Variants in PKIA observed in about 807,000 individuals in gnomAD.
The protein encoded by PKIA is PKI-alpha.
A neutral mutation model predicts 7.6 loss-of-function variants in PKIA; 4 were observed. That is an observed-to-expected ratio of 0.52 (90% CI 0.26 to 1.20). PKIA has a LOEUF of 1.20. PKIA is among the 50% of genes most tolerant of loss of function. The pLI, the probability that PKIA is intolerant of heterozygous loss-of-function variation, is 0.13. For synonymous variants in PKIA, 21 were observed against 30.7 expected (o/e 0.68, Z 1.04); for missense variants, 73 against 86.2 (o/e 0.85, Z 0.61).
chr8:78,558,928 T>C (rs7818489), intron 1 of PKIA, among the ~76,000 whole-genome samples: 24,614 of 152,126 alleles, frequency 0.16, 2,732 homozygotes, highest in African/African-American at 0.32. Context: ...TGTTTGTTTG[T>C]TTGTTTGTTT....
chr8:78,579,273 C>T (rs1807750411), intron 2 of PKIA, among the ~76,000 whole-genome samples: 1 of 151,970 alleles, frequency 6.6e-6, no homozygotes, highest in Non-Finnish European at 1.5e-5. Flanking sequence ...AGTACAATAG[C>T]CAGAATAATC....
intron 1 of PKIA, among the ~76,000 whole-genome samples, chr8:78,539,836 C>T (rs181430134): frequency 3.9e-5 from 6 of 151,906 alleles, no homozygotes; most frequent in East Asian, 1.9e-4. Context: ...TGATCCTCTA[C>T]GAATTTAATT....
At chr8:78,591,226 G>A (rs1002583593) in intron 2 of PKIA, 6 of 152,582 alleles carry the variant, frequency 3.9e-5, no homozygotes, top group Admixed American at 3.3e-4. Context: ...CAACATCATA[G>A]GCCCAACTTC....
At chr8:78,548,848 A>C (rs1806905897) in intron 1 of PKIA, among the ~76,000 whole-genome samples, 1 of 152,106 alleles carries the variant, frequency 6.6e-6, no homozygotes, top group East Asian at 1.9e-4. Flanking sequence ...ATATATGATG[A>C]AATAAAAGAT....
chr8:78,556,061 CCTTTT>C (rs945722216), intron 1 of PKIA, among the ~76,000 whole-genome samples: 10 of 152,122 alleles, frequency 6.6e-5, no homozygotes, highest in Non-Finnish European at 8.8e-5. Flanking sequence ...TTTGTCCTTT[CCTTTT>C]ATGTTTAGCA....
chr8:78,541,487 C>T (rs978870364), intron 1 of PKIA, among the ~76,000 whole-genome samples: 1 of 152,126 alleles, frequency 6.6e-6, no homozygotes, highest in African/African-American at 2.4e-5. Context: ...AGCAATAGCA[C>T]ATCCTTATTA....
At chr8:78,590,501 T>C (rs1808068980) in intron 2 of PKIA, among the ~76,000 whole-genome samples, 1 of 152,112 alleles carries the variant, frequency 6.6e-6, no homozygotes, top group African/African-American at 2.4e-5. Flanking sequence ...AGCCAGATTC[T>C]CTTATGTACT....
intron 1 of PKIA, among the ~76,000 whole-genome samples, chr8:78,557,400 G>C (rs1807165746): frequency 6.6e-6 from 1 of 152,006 alleles, no homozygotes; most frequent in Non-Finnish European, 1.5e-5. Context: ...GAAAAATCAG[G>C]TTACCAAAAA....
intron 2 of PKIA, among the ~76,000 whole-genome samples, chr8:78,573,263 C>T (rs59762771): frequency 0.13 from 20,419 of 151,916 alleles, 1,615 homozygotes; most frequent in African/African-American, 0.21. Context: ...AAATCATTTT[C>T]GTGGGTTGTC....
intron 1 of PKIA, among the ~76,000 whole-genome samples, chr8:78,527,536 A>AC (rs1806275010): frequency 1.3e-5 from 2 of 151,870 alleles, no homozygotes; most frequent in Non-Finnish European, 2.9e-5. Flanking sequence ...AGGAAAACTT[A>AC]TTTTTTCACT....
At chr8:78,556,546 TG>T (rs1201364559) in intron 1 of PKIA, 6 of 152,134 alleles carry the variant, frequency 3.9e-5, no homozygotes, top group Non-Finnish European at 8.8e-5. Flanking sequence ...ACGATGAATA[TG>T]AATACAGGCT....
intron 2 of PKIA, among the ~76,000 whole-genome samples, chr8:78,578,441 C>T (rs2130190609): frequency 6.6e-6 from 1 of 152,032 alleles, no homozygotes; most frequent in South Asian, 2.1e-4. Flanking sequence ...TAAATGAACA[C>T]TTTTGTTTCA....
At chr8:78,561,155 A>AT (rs1807276031) in intron 1 of PKIA, among the ~76,000 whole-genome samples, 1 of 152,048 alleles carries the variant, frequency 6.6e-6, no homozygotes, top group Non-Finnish European at 1.5e-5. Context: ...GGCTTTAAGT[A>AT]TTTTTTCTGA....
At chr8:78,534,201 T>G (rs1431886306) in intron 1 of PKIA, 2 of 152,124 alleles carry the variant, frequency 1.3e-5, no homozygotes, top group Non-Finnish European at 2.9e-5. Context: ...TTCCCATCAG[T>G]TTTATTTCAC....
chr8:78,563,786 A>C (rs1807339830), intron 1 of PKIA, among the ~76,000 whole-genome samples: 1 of 152,174 alleles, frequency 6.6e-6, no homozygotes, highest in Admixed American at 6.5e-5. Flanking sequence ...TGAGACAAAG[A>C]AGATATTGGA....
intron 1 of PKIA, among the ~76,000 whole-genome samples, chr8:78,547,774 C>G (rs796710068): frequency 1.3e-5 from 2 of 152,134 alleles, no homozygotes; most frequent in South Asian, 4.1e-4. Flanking sequence ...AGTAGAAATT[C>G]TCCACCTTCA....
rs200500740 is a variant in PKIA at position 78,532,931 on chromosome 8, T to TA, written c.-157+16471dup. ...GACTCTGTCTCAGAAAAAATAAAAA[T>TA]AAAAAAAATACAAAGCAATGGTGCC... On this transcript the variant is annotated intron_variant, in intron 1 of 3. Transcript: ENST00000396418. Among the ~76,000 whole-genome samples, 1,240 of 151,610 alleles carry TA rather than the reference T, an allele frequency of 8.2e-3. 12 individuals are homozygous for TA. The highest frequency in any genetic ancestry group is 0.027 in the African/African-American group (1,137 of 41,368).
chr8:78,556,989 C>T (rs1309261522), intron 1 of PKIA, among the ~76,000 whole-genome samples: 2 of 152,082 alleles, frequency 1.3e-5, no homozygotes, highest in Non-Finnish European at 2.9e-5. Flanking sequence ...TACTAATTGA[C>T]TCTCACTATT....
intron 1 of PKIA, among the ~76,000 whole-genome samples, chr8:78,566,154 GAGTAAGTTATAGTA>G (rs754276773): frequency 8.2e-4 from 125 of 152,156 alleles, no homozygotes; most frequent in Non-Finnish European, 1.6e-3. Flanking sequence ...AAAATGTATT[GAGTAAGTTATAGTA>G]ATTATTTTTA....
Sources: gnomAD v4.1 joint callset for allele counts (sites outside exome capture counted in the v4.1 genomes callset) on GRCh38, gnomAD v4.1.1 for gene constraint, MANE v1.5 for transcripts, NCBI Gene and HGNC (gene_info 2026-07-23, HGNC 2026-07-21) for gene names.